Variants in ANK2 observed in about 807,000 individuals in gnomAD.
ANK2 encodes ankyrin 2, also known as ankyrin-2.
Under a neutral mutation model 360.5 loss-of-function variants are expected in ANK2, and 83 were observed. The observed-to-expected ratio is 0.23, with a 90% CI of 0.19 to 0.28. The LOEUF (loss-of-function observed/expected upper bound fraction) is 0.28, where lower values mean the gene tolerates loss of function less well. ANK2 is among the 10% of genes least tolerant of loss of function. The pLI is 1.00. For missense variants in ANK2, 4,201 were observed against 4,795.7 expected, an observed-to-expected ratio of 0.88 and a Z score of 3.66; for synonymous variants, 1,740 against 1,759.5, an observed-to-expected ratio of 0.99 and a Z score of 0.28.
intron 1 of ANK2, among the ~76,000 whole-genome samples, chr4:113,113,819 C>T (rs2094516602): frequency 6.6e-6 from 1 of 152,076 alleles, no homozygotes. Flanking sequence ...GAACTGATAC[C>T]AATTATTTTC....
At chr4:112,869,799 C>T (rs2072192925) in intron 1 of ANK2, among the ~76,000 whole-genome samples, 1 of 152,112 alleles carries the variant, frequency 6.6e-6, no homozygotes, top group South Asian at 2.1e-4. Context: ...TCTCATGCCT[C>T]AGCCTCCTAA....
intron 3 of ANK2, among the ~76,000 whole-genome samples, chr4:113,197,161 G>A (rs540337811): frequency 9.2e-5 from 14 of 152,302 alleles, no homozygotes; most frequent in African/African-American, 3.4e-4. Context: ...TTTGGTATGA[G>A]ACTATGCAGA....
chr4:112,836,592 A>G (rs367672939), intron 1 of ANK2, among the ~76,000 whole-genome samples: 22 of 152,340 alleles, frequency 1.4e-4, no homozygotes, highest in African/African-American at 4.3e-4. Context: ...TGATATGGAC[A>G]ATGAAGTCCA....
At position 113,358,582 on chromosome 4, in the gene ANK2, G is replaced by C. The variant is rs780814996; in HGVS notation, c.9964G>C (p.Glu3322Gln). Residue 3322 changes from glutamate to glutamine, a missense_variant, in exon 38 of 46, where the codon GAG becomes CAG. Glu to Gln is a conservative substitution (Grantham distance 29). Around this residue, in one of 4 missense-constraint regions of ANK2, gnomAD observed 2,642 missense variants for 2,714.5 expected, o/e 0.97. Transcript: ENST00000357077. Reference sequence around the variant, plus strand: ...CCCAGCACCTCCATCTGCAGAGTATGAGAGTTCAGTTTCTGAAGATTTTCT... The same window carrying C: ...CCCAGCACCTCCATCTGCAGAGTATCAGAGTTCAGTTTCTGAAGATTTTCT... ...STPAPPSAEY[E>Q]SSVSEDFLSS... 6.2e-7 allele frequency: 1 copy of C among 1,614,108 alleles called. No homozygotes were observed. The highest frequency in any genetic ancestry group is 1.7e-5 in the Admixed American group (1 of 60,016).
chr4:112,716,505 T>C, the ANK2 span, among the ~76,000 whole-genome samples: 11,375 of 152,214 alleles, frequency 0.075, 706 homozygotes, highest in African/African-American at 0.16. Flanking sequence ...GTAATTTTGA[T>C]TTCAATTGTT....
chr4:113,116,697 A>ACGGCAGCAGCAGCAG (rs1554138689), intron 1 of ANK2, among the ~76,000 whole-genome samples: 28 of 152,086 alleles, frequency 1.8e-4, no homozygotes, highest in African/African-American at 6.5e-4. Flanking sequence ...CAGCAGTAGC[A>ACGGCAGCAGCAGCAG]CGGCAGCAGC....
chr4:112,864,719 G>A (rs1413951661), intron 1 of ANK2, among the ~76,000 whole-genome samples: 1 of 151,890 alleles, frequency 6.6e-6, no homozygotes, highest in Non-Finnish European at 1.5e-5. Flanking sequence ...CTATGATGAT[G>A]GCACTTTGAG....
the ANK2 span, among the ~76,000 whole-genome samples, chr4:112,746,263 C>T: frequency 6.6e-6 from 1 of 151,960 alleles, no homozygotes; most frequent in Non-Finnish European, 1.5e-5. Context: ...TTAAAGAGAA[C>T]ACTATATATG....
intron 1 of ANK2, among the ~76,000 whole-genome samples, chr4:113,090,367 A>G (rs566392681): frequency 6.6e-6 from 1 of 152,308 alleles, no homozygotes; most frequent in Admixed American, 6.5e-5. Flanking sequence ...TGGAAAACCT[A>G]CATAGTGGTA....
At chr4:112,730,252 C>CAAAAAAAAAAAAA in the ANK2 span, among the ~76,000 whole-genome samples, 14 of 50,900 alleles carry the variant, frequency 2.8e-4, no homozygotes, top group South Asian at 9.1e-4. Context: ...GACTCTGTCT[C>CAAAAAAAAAAAAA]AAAAAAAAAA....
intron 1 of ANK2, among the ~76,000 whole-genome samples, chr4:112,883,269 C>A (rs994135651): frequency 6.6e-5 from 10 of 151,712 alleles, no homozygotes; most frequent in Admixed American, 1.3e-4. Flanking sequence ...GAACGCCTGA[C>A]CTCAAGTGAT....
At chr4:113,340,394 T>A (rs2094132652) in intron 32 of ANK2, among the ~76,000 whole-genome samples, 1 of 152,138 alleles carries the variant, frequency 6.6e-6, no homozygotes, top group African/African-American at 2.4e-5. Flanking sequence ...AGTCTATAAT[T>A]CAAAAATAAT....
At chr4:113,178,303 C>A (rs1189230603) in intron 2 of ANK2, among the ~76,000 whole-genome samples, 1 of 152,072 alleles carries the variant, frequency 6.6e-6, no homozygotes, top group Non-Finnish European at 1.5e-5. Flanking sequence ...CGCAGTGGCT[C>A]ACACCTGTAA....
intron 26 of ANK2, among the ~76,000 whole-genome samples, chr4:113,322,838 A>G (rs1045096181): frequency 6.6e-6 from 1 of 152,248 alleles, no homozygotes; most frequent in Admixed American, 6.5e-5. Context: ...CTCACTTGAC[A>G]ATATTAATGT....
Position 112,986,133 on chromosome 4 carries a change from A to C in ANK2, c.21+81619A>C, listed in dbSNP as rs183079963. On this transcript the variant is annotated intron_variant, in intron 2 of 30. Transcript: ENST00000503271. ...GTTAGTACACTGTGGTCTGGTTCAT[A>C]GAATCAGAGAATTCAAAATCCAGGT... 1.9e-3 allele frequency among the ~76,000 whole-genome samples: 272 copies of C among 144,392 alleles called. 2 individuals are homozygous for C. Among genetic ancestry groups the C allele is most frequent in the African/African-American group, 6.7e-3 (264 of 39,288 alleles). 94.7% of individuals were successfully genotyped at this position (144,392 alleles called of 152,430 possible).
intron 2 of ANK2, among the ~76,000 whole-genome samples, chr4:112,989,303 C>A (rs7665194): frequency 0.25 from 37,434 of 151,804 alleles, 4,759 homozygotes; most frequent in South Asian, 0.38. Flanking sequence ...AGAAACTCAA[C>A]TGATAACTTC....
At chr4:113,219,662 G>C (rs890625364) in intron 4 of ANK2, among the ~76,000 whole-genome samples, 1 of 151,870 alleles carries the variant, frequency 6.6e-6, no homozygotes, top group Non-Finnish European at 1.5e-5. Context: ...CCTCATACTT[G>C]AAAATCTATT....
intron 1 of ANK2, among the ~76,000 whole-genome samples, chr4:113,171,345 C>T (rs997899213): frequency 4.6e-5 from 7 of 152,022 alleles, no homozygotes; most frequent in African/African-American, 1.2e-4. Context: ...TTGTAGGGTA[C>T]GATGTGCTTG....
chr4:112,931,815 T>C (rs2093272790), intron 2 of ANK2, among the ~76,000 whole-genome samples: 1 of 152,334 alleles, frequency 6.6e-6, no homozygotes, highest in Admixed American at 6.5e-5. Context: ...ACTATCTTAA[T>C]AGGAATTGCA....
Sources: allele counts gnomAD v4.1 joint callset (sites outside exome capture counted in the v4.1 genomes callset), GRCh38; gene constraint gnomAD v4.1.1; regional missense constraint gnomAD v4.1.1; transcripts MANE v1.5; gene names NCBI Gene and HGNC (gene_info 2026-07-23, HGNC 2026-07-21).